Variants in MCTP2 observed in about 807,000 individuals in gnomAD.
The protein encoded by MCTP2 is multiple C2 and transmembrane domain-containing protein 2.
In MCTP2, 132 loss-of-function variants were observed where a neutral mutation model predicts 111.6. That is an observed-to-expected ratio of 1.18 (90% confidence interval 1.03 to 1.37). The LOEUF (loss-of-function observed/expected upper bound fraction) is 1.37, where lower values mean the gene tolerates loss of function less well. MCTP2 is among the 40% of genes most tolerant of loss of function. The pLI, the probability that MCTP2 is intolerant of heterozygous loss-of-function variation, is 0.00. For missense variants in MCTP2, 1,183 were observed against 1,067.9 expected (o/e 1.11, Z -1.50); for synonymous variants, 395 against 387.7 (o/e 1.02, Z -0.22).
In MCTP2 at chr15:94,470,412, A is replaced by C. The variant is rs769086088; in HGVS notation, c.2440A>C (p.Ile814Leu). ...AGCAGCCACCATCATTTTGTATTTC[A>C]TTCCACTGCGGTACATCATTTTAAT... ...LAAATIILYF[I>L]PLRYIILIWG... The change falls in exon 21 of 23, where the codon ATT becomes CTT. Residue 814 changes from isoleucine to leucine, a missense_variant. Coordinates refer to ENST00000357742, the MANE Select transcript of MCTP2 (RefSeq NM_001385001.1). The C allele has an allele frequency of 1.2e-6, 2 of 1,613,260 alleles. No homozygotes were observed. The highest frequency in any genetic ancestry group is 2.7e-5 in the African/African-American group (2 of 75,030).
chr15:94,346,226 G>A (rs12591250), intron 8 of MCTP2, among the ~76,000 whole-genome samples: 38,769 of 151,844 alleles, frequency 0.26, 5,641 homozygotes, highest in African/African-American at 0.38. Context: ...TTGAAAATAC[G>A]AAGGAAACAG....
At position 94,298,462 on chromosome 15, in the gene MCTP2, G is replaced by A. The variant is rs61737195; in HGVS notation, c.197G>A (p.Arg66Gln). Residue 66 changes from arginine (R) to glutamine (Q), a missense_variant, in exon 2 of 23, where the codon CGG becomes CAG. Physicochemically the swap from Arg to Gln is conservative, Grantham distance 43. Transcript: ENST00000357742. ...GCTGAGGCCTTGGCCCCAGAGGGCCGGCCTTACTCCGGGCCACAGTCTTCC... is the reference window on the plus strand; with the variant it reads ...GCTGAGGCCTTGGCCCCAGAGGGCCAGCCTTACTCCGGGCCACAGTCTTCC... ...LEAEALAPEG[R>Q]PYSGPQSSYT... 205,022 of 1,613,920 alleles carry A rather than the reference G, an allele frequency of 0.13. 15,029 individuals are homozygous for A. Among genetic ancestry groups the A allele is most frequent in the Admixed American group, 0.25 (15,257 of 60,002 alleles).
chr15:94,238,767 A>G (rs2070735273), intron 1 of MCTP2, among the ~76,000 whole-genome samples: 1 of 152,206 alleles, frequency 6.6e-6, no homozygotes, highest in African/African-American at 2.4e-5. Flanking sequence ...CAGGAAGGAG[A>G]TGGAGAAGCA....
chr15:94,252,632 A>AT (rs201850560), intron 1 of MCTP2, among the ~76,000 whole-genome samples: 8,496 of 146,604 alleles, frequency 0.058, 319 homozygotes, highest in East Asian at 0.13. Context: ...TGGTTTACAG[A>AT]TTTTTTTTTT....
intron 1 of MCTP2, among the ~76,000 whole-genome samples, chr15:94,261,513 C>T (rs1330402764): frequency 1.3e-5 from 2 of 152,152 alleles, no homozygotes; most frequent in African/African-American, 4.8e-5. Context: ...GTAATTCTTG[C>T]AGGATGCTTC....
At chr15:94,455,373 T>C (rs569907986) in intron 19 of MCTP2, among the ~76,000 whole-genome samples, 42 of 152,150 alleles carry the variant, frequency 2.8e-4, no homozygotes, top group Non-Finnish European at 5.0e-4. Flanking sequence ...ATTGAGAATA[T>C]TGTCCATGTA....
rs566791785 is a variant in MCTP2, at chr15:94,479,563, C to G, written c.*529C>G. ...ATTAAAAGGCATTTTTAATAATTAC[C>G]AGAATTAGCTCAAACCTTTAGGGAT... On this transcript the variant is annotated 3_prime_UTR_variant, in exon 23 of 23. Coordinates refer to ENST00000357742, the MANE Select transcript of MCTP2 (RefSeq NM_001385001.1). 1.3e-5 allele frequency: 2 copies of G among 153,542 alleles called. No individual in the cohort carries two copies. The highest frequency in any genetic ancestry group is 6.4e-5 in the Admixed American group (1 of 15,636). The allele number at this position is 153,542 out of a possible 1,614,324, so 9.5% of individuals were successfully genotyped here.
At chr15:94,245,738 A>G (rs1394609031) in intron 1 of MCTP2, among the ~76,000 whole-genome samples, 4 of 147,384 alleles carry the variant, frequency 2.7e-5, no homozygotes, top group Admixed American at 7.0e-5. Context: ...ATATATATCT[A>G]TATAGACAAA....
chr15:94,372,714 T>C (rs905560070), intron 12 of MCTP2, among the ~76,000 whole-genome samples: 2 of 152,196 alleles, frequency 1.3e-5, no homozygotes, highest in African/African-American at 4.8e-5. Context: ...CCAGTCATCT[T>C]ACTTTATAAA....
intron 8 of MCTP2, among the ~76,000 whole-genome samples, chr15:94,346,570 G>A (rs1385376944): frequency 6.6e-6 from 1 of 152,144 alleles, no homozygotes; most frequent in African/African-American, 2.4e-5. Flanking sequence ...GCCTGACAAA[G>A]CAGTATTTTC....
intron 18 of MCTP2, among the ~76,000 whole-genome samples, chr15:94,442,436 C>A (rs1023197890): frequency 7.2e-5 from 11 of 152,154 alleles, no homozygotes; most frequent in Admixed American, 2.0e-4. Context: ...ATAATAATGC[C>A]ACAGAGAAAC....
intron 14 of MCTP2, among the ~76,000 whole-genome samples, chr15:94,390,069 T>G (rs1159051033): frequency 2.7e-4 from 3 of 11,098 alleles, no homozygotes; most frequent in Non-Finnish European, 3.2e-4. Context: ...TATATATATA[T>G]ATATATATAT....
chr15:94,354,237 G>GT (rs2078479156), intron 8 of MCTP2, among the ~76,000 whole-genome samples: 1 of 151,444 alleles, frequency 6.6e-6, no homozygotes, highest in Non-Finnish European at 1.5e-5. Context: ...CAGAACCTAT[G>GT]TGTGTGTGTG....
chr15:94,241,092 C>T (rs1357631666), intron 1 of MCTP2, among the ~76,000 whole-genome samples: 1 of 151,888 alleles, frequency 6.6e-6, no homozygotes, highest in Non-Finnish European at 1.5e-5. Context: ...TCTCTGAATA[C>T]TCCACTTATC....
At chr15:94,458,459 T>C (rs1347194688) in intron 20 of MCTP2, among the ~76,000 whole-genome samples, 2 of 152,220 alleles carry the variant, frequency 1.3e-5, no homozygotes, top group African/African-American at 4.8e-5. Context: ...CGGCCCAGTT[T>C]ATTCCAGTCA....
At chr15:94,303,881 T>C (rs2075763838) in intron 2 of MCTP2, among the ~76,000 whole-genome samples, 1 of 152,202 alleles carries the variant, frequency 6.6e-6, no homozygotes, top group Non-Finnish European at 1.5e-5. Context: ...TTACTCTGAC[T>C]GAGCACTAAC....
chr15:94,339,083 GC>G (rs752981868), intron 4 of MCTP2, among the ~76,000 whole-genome samples: 1 of 152,156 alleles, frequency 6.6e-6, no homozygotes, highest in Non-Finnish European at 1.5e-5. Context: ...TACTCAAAGA[GC>G]CCATTTATAT....
chr15:94,295,283 G>A (rs1441665024), intron 1 of MCTP2, among the ~76,000 whole-genome samples: 1 of 152,012 alleles, frequency 6.6e-6, no homozygotes, highest in Non-Finnish European at 1.5e-5. Context: ...CAATCTTGAT[G>A]AGTCTCTTTG....
At chr15:94,451,478 T>C (rs1438466573) in intron 19 of MCTP2, among the ~76,000 whole-genome samples, 2 of 152,244 alleles carry the variant, frequency 1.3e-5, no homozygotes, top group Non-Finnish European at 2.9e-5. Flanking sequence ...TCTAAAACTA[T>C]GTATTTAGCC....
Sources: gnomAD v4.1 joint callset for allele counts (sites outside exome capture counted in the v4.1 genomes callset) on GRCh38, gnomAD v4.1.1 for gene constraint, MANE v1.5 for transcripts, NCBI Gene and HGNC (gene_info 2026-07-23, HGNC 2026-07-21) for gene names.